Variants in CFAP20DC observed in about 807,000 individuals in gnomAD.
The protein encoded by CFAP20DC is CFAP20 domain containing.
Under a neutral mutation model 101.7 loss-of-function variants are expected in CFAP20DC, and 84 were observed. The observed-to-expected ratio is 0.83, with a 90% CI of 0.69 to 0.99. The LOEUF (loss-of-function observed/expected upper bound fraction) is 0.99. Among genes scored for constraint, CFAP20DC ranks in the 50% least tolerant of loss-of-function variants. CFAP20DC has a pLI of 0.00. For missense variants in CFAP20DC, 1,007 were observed against 970.3 expected (o/e 1.04, Z -0.50); for synonymous variants, 359 against 351.2 (o/e 1.02, Z -0.25).
chr3:58,943,018 TC>T (rs770313574), intron 4 of CFAP20DC, among the ~76,000 whole-genome samples: 1 of 152,132 alleles, frequency 6.6e-6, no homozygotes, highest in Non-Finnish European at 1.5e-5. Context: ...CCAGACTGCT[TC>T]TCTAGATTCC....
At chr3:58,895,832 G>A (rs2082625299) in intron 6 of CFAP20DC, among the ~76,000 whole-genome samples, 2 of 152,168 alleles carry the variant, frequency 1.3e-5, no homozygotes, top group Admixed American at 6.6e-5. Flanking sequence ...GAAAGGCAAG[G>A]AGGAGCAAGT....
intron 13 of CFAP20DC, among the ~76,000 whole-genome samples, chr3:58,844,662 C>T: frequency 8.0e-6 from 1 of 124,924 alleles, no homozygotes. Context: ...CCAAGCGGAC[C>T]TAATAGACAT....
intron 3 of CFAP20DC, among the ~76,000 whole-genome samples, chr3:58,730,513 G>A (rs764328415): frequency 3.3e-5 from 5 of 152,118 alleles, no homozygotes; most frequent in Admixed American, 2.0e-4. Context: ...AAAAGGCATC[G>A]CATTCTGAAT....
intron 14 of CFAP20DC, among the ~76,000 whole-genome samples, chr3:58,830,081 C>T (rs1184620491): frequency 6.6e-6 from 1 of 151,986 alleles, no homozygotes; most frequent in African/African-American, 2.4e-5. Flanking sequence ...TTTCTGGGTG[C>T]GTGGATACTT....
chr3:58,946,577 T>C (rs577366621), intron 4 of CFAP20DC, among the ~76,000 whole-genome samples: 5 of 152,270 alleles, frequency 3.3e-5, no homozygotes, highest in Admixed American at 6.5e-5. Context: ...TTCTGACCCT[T>C]ATCCACTACC....
intron 4 of CFAP20DC, among the ~76,000 whole-genome samples, chr3:58,998,555 T>A (rs777852465): frequency 2.4e-4 from 36 of 152,192 alleles, no homozygotes; most frequent in Non-Finnish European, 2.8e-4. Context: ...TTCACAATAA[T>A]CCTATGAGGC....
At chr3:58,821,345 G>C (rs1296618163) in intron 14 of CFAP20DC, among the ~76,000 whole-genome samples, 1 of 151,968 alleles carries the variant, frequency 6.6e-6, no homozygotes, top group Admixed American at 6.6e-5. Flanking sequence ...ACTACCATCA[G>C]AGTGAACAGG....
chr3:58,858,085 T>C (rs1481258787), intron 12 of CFAP20DC, among the ~76,000 whole-genome samples: 1 of 152,244 alleles, frequency 6.6e-6, no homozygotes, highest in Non-Finnish European at 1.5e-5. Flanking sequence ...AGCAATTGAA[T>C]ATAATTTGTC....
intron 3 of CFAP20DC, among the ~76,000 whole-genome samples, chr3:59,041,262 A>G (rs1461540916): frequency 6.6e-6 from 1 of 152,124 alleles, no homozygotes; most frequent in Non-Finnish European, 1.5e-5. Flanking sequence ...AGTTACACAC[A>G]TAGGGCATTT....
At position 58,807,454 on chromosome 3, in the gene CFAP20DC, T is replaced by C. The variant is rs533805045; in HGVS notation, c.2176-998A>G. Among the ~76,000 whole-genome samples the C allele has an allele frequency of 1.4e-4, 22 of 152,250 alleles. No individual in the cohort carries two copies. The South Asian group carries it at 2.5e-3, about 17-fold the overall frequency. On this transcript the variant is annotated intron_variant, in intron 14 of 16. Coordinates refer to ENST00000482387, the MANE Select transcript of CFAP20DC (RefSeq NM_001394063.1). Reference sequence around the variant, plus strand: ...CCACCGCTGCGGATACCCAGGCAAATAGGGTCTGGAGTGGACCTCTAGCAA... The same window carrying C: ...CCACCGCTGCGGATACCCAGGCAAACAGGGTCTGGAGTGGACCTCTAGCAA...
In CFAP20DC at chr3:58,861,924, A is replaced by G. The variant is rs559274288; in HGVS notation, c.1593+1634T>C. ...TTGGTAACAAATACACATCTGCATA[A>G]TAAACGTTGAAGGATGTCAGAGGCA... On this transcript the variant is annotated intron_variant, in intron 12 of 16. Coordinates refer to ENST00000482387, the MANE Select transcript of CFAP20DC (RefSeq NM_001394063.1). The surrounding 1 kb of genome is among the most constrained non-coding windows in gnomAD (Gnocchi z 4.0). The G allele has an allele frequency of 1.0e-6, 1 of 985,348 alleles. No homozygotes were observed. Among genetic ancestry groups the G allele is most frequent in the African/African-American group, 1.7e-5 (1 of 57,376 alleles). The allele number at this position is 985,348 out of a possible 1,614,324, so 61.0% of individuals were successfully genotyped here. A position where few individuals can be genotyped will look rare whatever the true frequency, so the allele number is the denominator to read the frequency against.
At chr3:58,862,183 G>A (rs2079305371) in intron 12 of CFAP20DC, 1 of 974,600 alleles carries the variant, frequency 1.0e-6, no homozygotes, top group African/African-American at 1.8e-5. Context: ...CCCACTATTA[G>A]AGTAATGCTT....
At chr3:58,753,389 T>C (rs2068707116) in intron 16 of CFAP20DC, among the ~76,000 whole-genome samples, 1 of 152,210 alleles carries the variant, frequency 6.6e-6, no homozygotes, top group African/African-American at 2.4e-5. Flanking sequence ...TCACAAGGAA[T>C]AATCGGGGAG....
At chr3:59,040,055 A>G (rs1315009574) in intron 3 of CFAP20DC, among the ~76,000 whole-genome samples, 1 of 152,070 alleles carries the variant, frequency 6.6e-6, no homozygotes, top group African/African-American at 2.4e-5. Flanking sequence ...CAACTTAATA[A>G]AAAACAATAG....
chr3:58,986,344 C>A (rs1435724887), intron 4 of CFAP20DC, among the ~76,000 whole-genome samples: 1 of 151,970 alleles, frequency 6.6e-6, no homozygotes, highest in African/African-American at 2.4e-5. Flanking sequence ...TGTGCACAGA[C>A]ACATAAAATT....
Position 59,014,406 on chromosome 3 carries a change from C to G in CFAP20DC, c.278+25151G>C, listed in dbSNP as rs2093648439. On this transcript the variant is annotated intron_variant, in intron 4 of 16. Coordinates refer to ENST00000482387, the MANE Select transcript of CFAP20DC (RefSeq NM_001394063.1). The surrounding 1 kb of genome is among the most constrained non-coding windows in gnomAD (Gnocchi z 4.9). ...GATAAGGTGACTGGATAATGTTCTA[C>G]TTTTTAACTAAATATTAACTGAAAC... Among the ~76,000 whole-genome samples, 1 of 152,130 alleles carries G rather than the reference C, an allele frequency of 6.6e-6. No homozygotes were observed. Among genetic ancestry groups the G allele is most frequent in the African/African-American group, 2.4e-5 (1 of 41,450 alleles).
At chr3:58,998,881 G>A (rs966089203) in intron 4 of CFAP20DC, among the ~76,000 whole-genome samples, 1 of 152,220 alleles carries the variant, frequency 6.6e-6, no homozygotes, top group Non-Finnish European at 1.5e-5. Flanking sequence ...GGATTATTTG[G>A]TATTATTACT....
Position 58,849,015 on chromosome 3 carries a change from A to C in CFAP20DC, c.1971+17T>G. 6.5e-7 allele frequency: 1 copy of C among 1,531,842 alleles called. No homozygotes were observed. Among genetic ancestry groups the C allele is most frequent in the Non-Finnish European group, 8.7e-7 (1 of 1,145,014 alleles). The allele number at this position is 1,531,842 out of a possible 1,614,324, so 94.9% of individuals were successfully genotyped here. A position where few individuals can be genotyped will look rare whatever the true frequency, so the allele number is the denominator to read the frequency against. On this transcript the variant is annotated intron_variant, in intron 13 of 16. Coordinates refer to ENST00000482387, the MANE Select transcript of CFAP20DC (RefSeq NM_001394063.1). ...GATGTATTGCCGGCATCTGTAAACC[A>C]CACGGGAACCACTTACAGATGCTTC...
chr3:58,889,991 T>A (rs2082016299), intron 6 of CFAP20DC, among the ~76,000 whole-genome samples: 1 of 144,578 alleles, frequency 6.9e-6, no homozygotes, highest in African/African-American at 2.6e-5. Context: ...TTTCTCAATC[T>A]TTTCCCCACC....
Sources: allele counts gnomAD v4.1 joint callset (sites outside exome capture counted in the v4.1 genomes callset), GRCh38; gene constraint gnomAD v4.1.1; non-coding constraint Gnocchi (gnomAD v3.1); transcripts MANE v1.5; gene names NCBI Gene and HGNC (gene_info 2026-07-23, HGNC 2026-07-21).